The following NBR1 variants were observed in gnomAD, a reference collection of about 807,000 sequenced individuals.
The protein encoded by NBR1 is NBR1 autophagy cargo receptor.
A neutral mutation model predicts 115.5 loss-of-function variants in NBR1; 59 were observed. That is an observed-to-expected ratio of 0.51 (90% CI 0.41 to 0.63). The LOEUF is 0.63. Among genes scored for constraint, NBR1 ranks in the 30% least tolerant of loss-of-function variants. NBR1 has a pLI of 0.00. For synonymous variants in NBR1, 373 were observed against 414.7 expected (o/e 0.90, Z 1.22); for missense variants, 1,043 against 1,150.5 (o/e 0.91, Z 1.35).
At chr17:43,187,295 C>G (rs1178385545) in intron 6 of NBR1, among the ~76,000 whole-genome samples, 1 of 152,066 alleles carries the variant, frequency 6.6e-6, no homozygotes, top group African/African-American at 2.4e-5. Flanking sequence ...ATTCTCCTGC[C>G]TCAGTCTCCT....
At chr17:43,187,888 T>A (rs1441149779) in intron 6 of NBR1, among the ~76,000 whole-genome samples, 1 of 8,910 alleles carries the variant, frequency 1.1e-4, no homozygotes, top group South Asian at 4.9e-3. Flanking sequence ...GCATTTCTCT[T>A]TTTTTTTTTT....
At chr17:43,201,199 G>C (rs2057190164) in intron 17 of NBR1, among the ~76,000 whole-genome samples, 1 of 152,040 alleles carries the variant, frequency 6.6e-6, no homozygotes. Flanking sequence ...AAACATCCCT[G>C]GACCTTCCCT....
Position 43,191,316 on chromosome 17 carries a change from T to A in NBR1, c.864-56T>A, listed in dbSNP as rs892778572. On this transcript the variant is annotated intron_variant, in intron 9 of 20. Transcript: ENST00000590996. ...GATGGAAATTGCAATTGGCTCCACA[T>A]AGCTTCAGAATTTATTTGTGACTTT... 3.0e-6 allele frequency: 4 copies of A among 1,351,598 alleles called. No individual in the cohort carries two copies. The African/African-American group carries it at 4.4e-5, about 15-fold the overall frequency. The allele number at this position is 1,351,598 out of a possible 1,614,324, so 83.7% of individuals were successfully genotyped here.
chr17:43,207,486 T>C (rs1417797792), intron 20 of NBR1, among the ~76,000 whole-genome samples: 1 of 152,150 alleles, frequency 6.6e-6, no homozygotes, highest in Non-Finnish European at 1.5e-5. Context: ...GCCTCTTGAG[T>C]AGCAGGGACT....
chr17:43,201,837 G>A (rs2057206544), intron 18 of NBR1, 57 bp downstream of exon 18: 2 of 967,770 alleles, frequency 2.1e-6, no homozygotes, highest in Non-Finnish European at 3.3e-6. Context: ...ATGGAAACCA[G>A]GTATAAATAG....
intron 18 of NBR1, among the ~76,000 whole-genome samples, chr17:43,202,178 T>C (rs1260206989): frequency 3.6e-5 from 1 of 27,620 alleles, no homozygotes; most frequent in African/African-American, 5.2e-5. Context: ...AGACTCCGTC[T>C]GAAAAAAAAA....
At chr17:43,209,234 G>A (rs868529139) in intron 20 of NBR1, among the ~76,000 whole-genome samples, 15 of 151,854 alleles carry the variant, frequency 9.9e-5, no homozygotes, top group South Asian at 2.1e-4. Flanking sequence ...CTGCCACCAC[G>A]CCTGGCTAAT....
Position 43,196,560 on chromosome 17 carries a change from G to C in NBR1, c.1830G>C (p.Glu610Asp). 6.2e-7 allele frequency: 1 copy of C among 1,605,766 alleles called. No individual in the cohort carries two copies. The highest frequency in any genetic ancestry group is 8.5e-7 in the Non-Finnish European group (1 of 1,176,682). Residue 610 changes from glutamate (E) to aspartate (D), a missense_variant, in exon 15 of 21, where the codon GAG becomes GAC. By Grantham distance (45) the Glu-to-Asp change is conservative. Transcript: ENST00000590996. ...EKPGLGQIEEENEGAGFKALP... is the reference protein window; with the variant it reads ...EKPGLGQIEEDNEGAGFKALP... ...CAGGCTTGGGGCAGATAGAGGAAGA[G>C]AATGAAGGGGCAGGATTTAAAGCAC...
At chr17:43,206,872 G>C (rs1481648222) in intron 20 of NBR1, among the ~76,000 whole-genome samples, 1 of 152,152 alleles carries the variant, frequency 6.6e-6, no homozygotes, top group Non-Finnish European at 1.5e-5. Context: ...AGACCAGCCT[G>C]GGCAACATAG....
At chr17:43,196,660 T>G in intron 15 of NBR1, 69 bp downstream of exon 15, 1 of 1,191,728 alleles carries the variant, frequency 8.4e-7, no homozygotes, top group Non-Finnish European at 1.2e-6. Flanking sequence ...TTTACAGCTA[T>G]CCCCTACTGA....
chr17:43,193,309 G>C, intron 11 of NBR1, 39 bp from the exon 12 acceptor site: 1 of 1,612,620 alleles, frequency 6.2e-7, no homozygotes, highest in Non-Finnish European at 8.5e-7. Context: ...AGAGTGCTCA[G>C]CTGACAAGCT....
chr17:43,200,651 G>A, intron 17 of NBR1, 43 bp downstream of exon 17: 3 of 1,522,766 alleles, frequency 2.0e-6, no homozygotes, highest in Non-Finnish European at 2.7e-6. Flanking sequence ...CTTCAGAGGT[G>A]AAATAAAGAG....
In NBR1 at chr17:43,197,005, A is replaced by C. The variant is rs776350986; in HGVS notation, c.1925A>C (p.Asp642Ala). ...GCTTCTGTGGAGGAAGCAGAAGAAG[A>C]CCTGAGTGGGACCCAGTTTGTGTGT... ...NIASVEEAEE[D>A]LSGTQFVCET... The change falls in exon 16 of 21, where the codon GAC becomes GCC. Residue 642 changes from aspartate to alanine, a missense_variant. By Grantham distance (126) the Asp-to-Ala change is moderately radical (BLOSUM62 -2). Coordinates refer to ENST00000590996, the MANE Select transcript of NBR1 (RefSeq NM_005899.5). 3.1e-6 allele frequency: 5 copies of C among 1,613,996 alleles called. No homozygotes were observed. The highest frequency in any genetic ancestry group is 4.2e-6 in the Non-Finnish European group (5 of 1,179,876).
chr17:43,182,660 G>A (rs2056701348), intron 5 of NBR1, among the ~76,000 whole-genome samples: 2 of 151,646 alleles, frequency 1.3e-5, no homozygotes, highest in Non-Finnish European at 2.9e-5. Flanking sequence ...ATAAAAATGT[G>A]TATAAAATGT....
chr17:43,194,612 A>G, intron 13 of NBR1, 113 bp downstream of exon 13: 1 of 1,175,710 alleles, frequency 8.5e-7, no homozygotes, highest in Non-Finnish European at 1.2e-6. Flanking sequence ...ACTTTGATCT[A>G]GTCAGGTATA....
chr17:43,200,091 A>G, intron 16 of NBR1, 76 bp from the exon 17 acceptor site: 1 of 1,186,230 alleles, frequency 8.4e-7, no homozygotes, highest in Non-Finnish European at 1.2e-6. Flanking sequence ...ATGATCCACA[A>G]GGCTTTACCA....
chr17:43,201,757 C>T lies in NBR1; in HGVS notation c.2540C>T (p.Ser847Leu), dbSNP rs1238165391. Residue 847 changes from serine (S) to leucine (L), a missense_variant, in exon 18 of 21, where the codon TCA (serine) becomes TTA (leucine). Ser to Leu is a moderately radical substitution (Grantham distance 145). Transcript: ENST00000590996. ...DLPVTIPEVS[S>L]VPDQIRGEPR... ...CCAGTTACCATACCAGAAGTTTCTT[C>T]AGTCCCTGATCAGATCAGAGGAGGT... 8 of 1,598,766 alleles carry T rather than the reference C, an allele frequency of 5.0e-6. No homozygotes were observed. The highest frequency in any genetic ancestry group is 3.3e-4 in the Middle Eastern group (2 of 6,048).
At chr17:43,206,225 T>C (rs545634225) in intron 20 of NBR1, among the ~76,000 whole-genome samples, 1 of 150,562 alleles carries the variant, frequency 6.6e-6, no homozygotes, top group South Asian at 2.1e-4. Context: ...GTAGGCAGGA[T>C]GCTGTGTTAT....
intron 4 of NBR1, among the ~76,000 whole-genome samples, chr17:43,180,102 T>G (rs1448737224): frequency 6.6e-6 from 1 of 152,220 alleles, no homozygotes; most frequent in Non-Finnish European, 1.5e-5. Context: ...AGCTGTACAT[T>G]TAACAAATTT....
Sources: allele counts gnomAD v4.1 joint callset (sites outside exome capture counted in the v4.1 genomes callset), GRCh38; gene constraint gnomAD v4.1.1; transcripts MANE v1.5; gene names NCBI Gene and HGNC (gene_info 2026-07-23, HGNC 2026-07-21).